Variants in ZNF385B observed in about 807,000 individuals in gnomAD.
ZNF385B encodes the protein zinc finger protein 533.
A neutral mutation model predicts 39.2 loss-of-function variants in ZNF385B; 23 were observed. The observed-to-expected ratio is 0.59, with a 90% CI of 0.42 to 0.83. ZNF385B has a LOEUF of 0.83. Ranked by LOEUF, ZNF385B falls within the 40% of genes least tolerant of loss-of-function variation. The pLI is 0.00. For synonymous variants in ZNF385B, 205 were observed against 222.6 expected (o/e 0.92, Z 0.70); for missense variants, 552 against 598.9 (o/e 0.92, Z 0.82).
chr2:179,464,431 T>C (rs963896090), intron 6 of ZNF385B, among the ~76,000 whole-genome samples: 3 of 152,246 alleles, frequency 2.0e-5, no homozygotes, highest in African/African-American at 7.2e-5. Flanking sequence ...CCCATGCCTA[T>C]GTCCTGAATG....
chr2:179,679,084 A>G lies in ZNF385B; in HGVS notation c.298+90419T>C, dbSNP rs144688982. On this transcript the variant is annotated intron_variant, in intron 3 of 9. Coordinates refer to ENST00000410066, the MANE Select transcript of ZNF385B (RefSeq NM_152520.6). ...TGTAATTGTCAGTAGTCTAATATATAGAAGGAACTACAGTCAAGTACCACA... is the reference window on the plus strand; with the variant it reads ...TGTAATTGTCAGTAGTCTAATATATGGAAGGAACTACAGTCAAGTACCACA... Among the ~76,000 whole-genome samples the G allele has an allele frequency of 1.9e-3, 282 of 152,338 alleles. 1 individual carries two copies. The highest frequency in any genetic ancestry group is 6.5e-3 in the African/African-American group (269 of 41,578).
At position 179,764,316 on chromosome 2, in the gene ZNF385B, T is replaced by C. The variant is rs190085724; in HGVS notation, c.298+5187A>G. On this transcript the variant is annotated intron_variant, in intron 3 of 9. Transcript: ENST00000410066. ...TGTTTGCATGATATATTCTTTTCCA[T>C]CCTTTTACTTTCAACATACCTCTTA... 4.6e-4 allele frequency among the ~76,000 whole-genome samples: 70 copies of C among 152,288 alleles called. No homozygotes were observed. The East Asian group carries it at 7.1e-3, about 16-fold the overall frequency.
chr2:179,719,168 C>T (rs771427342), intron 3 of ZNF385B, among the ~76,000 whole-genome samples: 2 of 152,072 alleles, frequency 1.3e-5, no homozygotes, highest in Non-Finnish European at 2.9e-5. Flanking sequence ...CCTGCCTCCA[C>T]CCATGAGCCC....
intron 3 of ZNF385B, among the ~76,000 whole-genome samples, chr2:179,608,841 ACTGTGTGTGTGTGT>A (rs1464744948): frequency 2.3e-4 from 25 of 108,308 alleles, no homozygotes; most frequent in Middle Eastern, 9.6e-3. Context: ...AAGGGCCAAG[ACTGTGTGTGTGTGT>A]GTGTGTGTGT....
At chr2:179,572,030 G>C (rs1452618972) in intron 3 of ZNF385B, among the ~76,000 whole-genome samples, 1 of 151,974 alleles carries the variant, frequency 6.6e-6, no homozygotes, top group Non-Finnish European at 1.5e-5. Context: ...GCCTGGGAGT[G>C]GCCTCAGGGT....
At chr2:179,716,801 C>T (rs919880886) in intron 3 of ZNF385B, among the ~76,000 whole-genome samples, 3 of 152,194 alleles carry the variant, frequency 2.0e-5, no homozygotes, top group Non-Finnish European at 4.4e-5. Context: ...CAATCAGATT[C>T]TCCTAAGGCC....
At chr2:179,846,170 T>C (rs1384587487) in intron 1 of ZNF385B, among the ~76,000 whole-genome samples, 1 of 152,246 alleles carries the variant, frequency 6.6e-6, no homozygotes, top group Non-Finnish European at 1.5e-5. Context: ...TGTTTACATT[T>C]CAGACCCATA....
intron 4 of ZNF385B, among the ~76,000 whole-genome samples, chr2:179,541,305 C>G (rs917695591): frequency 3.9e-5 from 6 of 152,184 alleles, no homozygotes; most frequent in Non-Finnish European, 8.8e-5. Flanking sequence ...AAGCATATTT[C>G]TTCATCAGGT....
chr2:179,636,357 A>G (rs1331579556), intron 3 of ZNF385B, among the ~76,000 whole-genome samples: 1 of 152,284 alleles, frequency 6.6e-6, no homozygotes, highest in East Asian at 1.9e-4. Flanking sequence ...GCTTAATTAT[A>G]CACAGAAGTG....
At chr2:179,612,686 T>C (rs1689391445) in intron 3 of ZNF385B, among the ~76,000 whole-genome samples, 1 of 152,062 alleles carries the variant, frequency 6.6e-6, no homozygotes, top group South Asian at 2.1e-4. Context: ...GCCAGCATGG[T>C]GCTGGGTCTT....
chr2:179,854,686 T>C lies in ZNF385B; in HGVS notation c.-155+6415A>G, dbSNP rs116709143. Among the ~76,000 whole-genome samples, 912 of 152,318 alleles carry C rather than the reference T, an allele frequency of 6.0e-3. 14 individuals carry two copies. Among genetic ancestry groups the C allele is most frequent in the African/African-American group, 0.021 (884 of 41,570 alleles). ...GCAAATCAAAAATCACAGCTCTCTG[T>C]AGAATTTTACACAATTTTAACACTG... On this transcript the variant is annotated intron_variant, in intron 1 of 9. Transcript: ENST00000410066.
intron 3 of ZNF385B, among the ~76,000 whole-genome samples, chr2:179,707,953 G>T (rs1314401080): frequency 2.0e-5 from 3 of 152,210 alleles, no homozygotes; most frequent in African/African-American, 7.2e-5. Context: ...GGAATAGCAG[G>T]CACCAACCCG....
At chr2:179,700,165 A>G (rs1699080074) in intron 3 of ZNF385B, among the ~76,000 whole-genome samples, 1 of 152,154 alleles carries the variant, frequency 6.6e-6, no homozygotes, top group Non-Finnish European at 1.5e-5. Flanking sequence ...CTTTCCCTGA[A>G]TGGAAGGGAG....
At chr2:179,774,537 T>G (rs910138053) in intron 1 of ZNF385B, among the ~76,000 whole-genome samples, 1 of 152,044 alleles carries the variant, frequency 6.6e-6, no homozygotes, top group Non-Finnish European at 1.5e-5. Flanking sequence ...ATTTTTGTAT[T>G]CTTAGTAGAG....
intron 5 of ZNF385B, among the ~76,000 whole-genome samples, chr2:179,486,923 A>AG (rs1388225197): frequency 1.3e-5 from 2 of 152,024 alleles, no homozygotes; most frequent in Non-Finnish European, 2.9e-5. Flanking sequence ...CTCAAAAAAA[A>AG]CAAAAAACAA....
At chr2:179,631,379 G>A (rs1691199154) in intron 3 of ZNF385B, among the ~76,000 whole-genome samples, 1 of 152,168 alleles carries the variant, frequency 6.6e-6, no homozygotes, top group African/African-American at 2.4e-5. Context: ...CATTATTAGA[G>A]AAAAGAATTT....
At chr2:179,497,307 A>C (rs140821301) in intron 5 of ZNF385B, among the ~76,000 whole-genome samples, 173 of 152,340 alleles carry the variant, frequency 1.1e-3, no homozygotes, top group Middle Eastern at 0.01. Flanking sequence ...AAGTAGAAAG[A>C]CTAAGCAATG....
chr2:179,644,982 T>C (rs527896593), intron 3 of ZNF385B, among the ~76,000 whole-genome samples: 22 of 152,242 alleles, frequency 1.4e-4, no homozygotes, highest in Non-Finnish European at 2.8e-4. Context: ...ATATACATAC[T>C]ATAATTTCCC....
At chr2:179,566,921 T>C (rs1183067916) in intron 3 of ZNF385B, among the ~76,000 whole-genome samples, 2 of 148,676 alleles carry the variant, frequency 1.3e-5, no homozygotes, top group East Asian at 1.9e-4. Context: ...TTTCTTTTTT[T>C]TTTTTTTTTT....
Sources: gnomAD v4.1 joint callset for allele counts (sites outside exome capture counted in the v4.1 genomes callset) on GRCh38, gnomAD v4.1.1 for gene constraint, MANE v1.5 for transcripts, NCBI Gene and HGNC (gene_info 2026-07-23, HGNC 2026-07-21) for gene names.